Variants in SECISBP2 observed in about 807,000 individuals in gnomAD.
The protein encoded by SECISBP2 is selenocysteine insertion sequence-binding protein 2.
A neutral mutation model predicts 98.2 loss-of-function variants in SECISBP2; 96 were observed. The observed-to-expected ratio is 0.98, with a 90% CI of 0.83 to 1.16. The LOEUF (loss-of-function observed/expected upper bound fraction) is 1.16, where lower values mean the gene tolerates loss of function less well. SECISBP2 is among the 50% of genes most tolerant of loss of function. SECISBP2 has a pLI of 0.00. For synonymous variants in SECISBP2, 407 were observed against 370.2 expected, an observed-to-expected ratio of 1.10 and a Z score of -1.14; for missense variants, 1,046 against 1,022.9, an observed-to-expected ratio of 1.02 and a Z score of -0.31.
In SECISBP2 at chr9:89,320,371, AAAAAAAAAAT is replaced by A. The variant is rs1799068538; in HGVS notation, c.182+575_182+584del. 2.0e-5 allele frequency among the ~76,000 whole-genome samples: 3 copies of A among 151,732 alleles called. No homozygotes were observed. In the South Asian group the frequency reaches 6.2e-4, roughly 32 times the overall value. The stretch of plus-strand genomic sequence containing the variant: ...ACTCTGTCTCAAAAAAAAAAAAAAA[AAAAAAAAAAT>A]CCCGTTTCAAGGTTCATTTGTTCAT... On this transcript the variant is annotated intron_variant, in intron 2 of 16. Transcript: ENST00000375807.
chr9:89,329,400 G>C (rs1587878635), intron 5 of SECISBP2: 1 of 163,312 alleles, frequency 6.1e-6, no homozygotes, highest in South Asian at 1.7e-4. Flanking sequence ...ACAGGCGTGA[G>C]CCACCCACGC....
chr9:89,318,760 T>TCTTCGCGCC, intron 1 of SECISBP2, 148 bp downstream of exon 1: 1 of 1,231,262 alleles, frequency 8.1e-7, no homozygotes, highest in Non-Finnish European at 1.0e-6. Context: ...GTGGCCGCGA[T>TCTTCGCGCC]CTTCGCGCCC....
chr9:89,333,933 AGTCTGTT>A, intron 6 of SECISBP2: 2 of 678,920 alleles, frequency 2.9e-6, no homozygotes, highest in Non-Finnish European at 1.8e-6. Flanking sequence ...TGAGGGGAAC[AGTCTGTT>A]TTACCCTTGG....
In SECISBP2 at chr9:89,358,222, C is replaced by G. The variant is rs766226241; in HGVS notation, c.2461+31C>G. 6.9e-6 allele frequency: 11 copies of G among 1,591,312 alleles called. No homozygotes were observed. The African/African-American group carries it at 1.5e-4, about 21-fold the overall frequency. ...TGCTTAAGGGAGAGTTGTGTCAGGTCGAGTGTCCTCTTATTTACTGACTTT... is the reference window on the plus strand; with the variant it reads ...TGCTTAAGGGAGAGTTGTGTCAGGTGGAGTGTCCTCTTATTTACTGACTTT... On this transcript the variant is annotated intron_variant, in intron 16 of 16. Coordinates refer to ENST00000375807, the MANE Select transcript of SECISBP2 (RefSeq NM_024077.5).
intron 14 of SECISBP2, among the ~76,000 whole-genome samples, chr9:89,356,014 C>T (rs537429089): frequency 6.6e-6 from 1 of 152,132 alleles, no homozygotes; most frequent in Non-Finnish European, 1.5e-5. Context: ...AGTGAAATCC[C>T]GTCTGTAGTA....
rs376268692 is a variant in SECISBP2 at position 89,319,644 on chromosome 9, T to G, written c.37-8T>G. ...TGTTTGTGGCCAAAACCTCATATTT[T>G]TCCTCAGGGCATCAAGTTATCAGCA... is the stretch of plus-strand genomic sequence containing the variant. On this transcript the variant is annotated splice_region_variant and splice_polypyrimidine_tract_variant and intron_variant, in intron 1 of 16. Coordinates refer to ENST00000375807, the MANE Select transcript of SECISBP2 (RefSeq NM_024077.5). The G allele has an allele frequency of 4.3e-6, 7 of 1,613,914 alleles. No homozygotes were observed. The African/African-American group carries it at 9.4e-5, about 22-fold the overall frequency.
chr9:89,357,381 TC>T, intron 14 of SECISBP2, 29 bp from the exon 15 acceptor site: 1 of 1,612,552 alleles, frequency 6.2e-7, no homozygotes, highest in South Asian at 1.1e-5. Context: ...TGACATGTCT[TC>T]CTGTCATTTT....
At chr9:89,335,955 A>AAAT (rs1176015113) in intron 7 of SECISBP2, among the ~76,000 whole-genome samples, 1 of 152,134 alleles carries the variant, frequency 6.6e-6, no homozygotes, top group East Asian at 1.9e-4. Context: ...ACTAGTAGCA[A>AAAT]AATAATTGAA....
intron 15 of SECISBP2, 88 bp from the exon 16 acceptor site, chr9:89,357,911 T>C (rs1832343068): frequency 7.2e-7 from 1 of 1,384,868 alleles, no homozygotes; most frequent in African/African-American, 1.4e-5. Flanking sequence ...CACCCCTGCT[T>C]CTCTGTGGAG....
At chr9:89,338,821 G>A (rs1371930033) in intron 8 of SECISBP2, among the ~76,000 whole-genome samples, 1 of 151,626 alleles carries the variant, frequency 6.6e-6, no homozygotes, top group Non-Finnish European at 1.5e-5. Flanking sequence ...AAAACTACTT[G>A]TATCAGAGTT....
At position 89,350,852 on chromosome 9, in the gene SECISBP2, G is replaced by C; in HGVS notation, c.2113G>C (p.Gly705Arg). Residue 705 changes from glycine to arginine, a missense_variant and splice_region_variant, in exon 14 of 17, where the codon GGT becomes CGT. Coordinates refer to ENST00000375807, the MANE Select transcript of SECISBP2 (RefSeq NM_024077.5). ...SPNCEKIQSK[G>R]GLDDTLHTII... ...CAACTGTGAGAAGATACAGTCAAAA[G>C]GTAAAGGCACAGTGTGGTCCTGTGA... 1 of 1,613,774 alleles carries C rather than the reference G, an allele frequency of 6.2e-7. No individual in the cohort carries two copies. The highest frequency in any genetic ancestry group is 8.5e-7 in the Non-Finnish European group (1 of 1,179,644).
chr9:89,333,191 A>C (rs1404072155), intron 6 of SECISBP2, among the ~76,000 whole-genome samples: 2 of 152,250 alleles, frequency 1.3e-5, no homozygotes, highest in East Asian at 3.8e-4. Context: ...ATAAGAGACA[A>C]GAATTCTAAA....
Position 89,358,219 on chromosome 9 carries a change from G to C in SECISBP2, c.2461+28G>C, listed in dbSNP as rs750385628. 5.6e-6 allele frequency: 9 copies of C among 1,596,046 alleles called. No homozygotes were observed. In the African/African-American group the frequency reaches 1.2e-4, roughly 21 times the overall value. ...GAGTGCTTAAGGGAGAGTTGTGTCA[G>C]GTCGAGTGTCCTCTTATTTACTGAC... On this transcript the variant is annotated intron_variant, in intron 16 of 16. Coordinates refer to ENST00000375807, the MANE Select transcript of SECISBP2 (RefSeq NM_024077.5).
chr9:89,319,865 A>G (rs969245110), intron 2 of SECISBP2, 68 bp downstream of exon 2: 41 of 1,523,800 alleles, frequency 2.7e-5, no homozygotes, highest in East Asian at 9.0e-5. Flanking sequence ...TAGACTTTCA[A>G]ATACTCAGCA....
chr9:89,319,016 A>C, intron 1 of SECISBP2: 1 of 1,037,390 alleles, frequency 9.6e-7, no homozygotes, highest in African/African-American at 1.7e-5. Context: ...CACTAGATGG[A>C]GCCCTGGCGA....
chr9:89,318,904 GGAC>G (rs954993844), intron 1 of SECISBP2: 30 of 1,234,210 alleles, frequency 2.4e-5, no homozygotes, highest in Middle Eastern at 3.1e-4. Flanking sequence ...CGGGGCGGGG[GGAC>G]TCTGGCGAGC....
At position 89,346,651 on chromosome 9, in the gene SECISBP2, C is replaced by CT. The variant is rs1293390766; in HGVS notation, c.1436-226dup. Among the ~76,000 whole-genome samples, 4 of 152,276 alleles carry CT rather than the reference C, an allele frequency of 2.6e-5. No homozygotes were observed. The East Asian group carries it at 5.8e-4, about 22-fold the overall frequency. On this transcript the variant is annotated intron_variant, in intron 10 of 16. Transcript: ENST00000375807. ...GTAGGTGTTCCTAAATTACTTGATA[C>CT]TTTTTGGGAATCTCATCCAAAAGAT...
chr9:89,338,421 T>TA (rs772943131), intron 7 of SECISBP2, 37 bp from the exon 8 acceptor site: 4 of 1,611,610 alleles, frequency 2.5e-6, no homozygotes, highest in Non-Finnish European at 3.4e-6. Flanking sequence ...TTGACCGCCC[T>TA]AAAAACAGGA....
chr9:89,338,432 T>C (rs1312811703), intron 7 of SECISBP2, 26 bp from the exon 8 acceptor site: 11 of 1,612,184 alleles, frequency 6.8e-6, no homozygotes, highest in Non-Finnish European at 8.5e-6. Context: ...AAAAACAGGA[T>C]TTTTTGCTTT....
Sources: gnomAD v4.1 joint callset for allele counts (sites outside exome capture counted in the v4.1 genomes callset) on GRCh38, gnomAD v4.1.1 for gene constraint, MANE v1.5 for transcripts, NCBI Gene and HGNC (gene_info 2026-07-23, HGNC 2026-07-21) for gene names.